The following CAST variants were observed in gnomAD, a reference collection of about 807,000 sequenced individuals.
CAST encodes MIR583 host.
A neutral mutation model predicts 119.6 loss-of-function variants in CAST; 76 were observed. That is an observed-to-expected ratio of 0.64 (90% confidence interval 0.53 to 0.77). The LOEUF (loss-of-function observed/expected upper bound fraction) is 0.77, where lower values mean the gene tolerates loss of function less well. CAST is among the 30% of genes least tolerant of loss of function. CAST has a pLI of 0.00. For synonymous variants in CAST, 319 were observed against 331.6 expected (o/e 0.96, Z 0.41); for missense variants, 953 against 946.5 (o/e 1.01, Z -0.09).
At chr5:96,101,303 G>A in the CAST span, among the ~76,000 whole-genome samples, 4 of 152,248 alleles carry the variant, frequency 2.6e-5, no homozygotes, top group African/African-American at 7.2e-5. Context: ...CCCTGGATAT[G>A]GAAGGCTGAC....
chr5:96,351,759 G>A, the CAST span, among the ~76,000 whole-genome samples: 2 of 152,046 alleles, frequency 1.3e-5, no homozygotes, highest in African/African-American at 2.4e-5. Context: ...AAAACTCACT[G>A]TTCTTTTATG....
the CAST span, among the ~76,000 whole-genome samples, chr5:96,291,242 C>A: frequency 6.6e-6 from 1 of 152,202 alleles, no homozygotes; most frequent in African/African-American, 2.4e-5. Flanking sequence ...AGGTAATAAA[C>A]AATTATTATA....
At chr5:96,755,507 C>T (rs1766107827) in intron 22 of CAST, among the ~76,000 whole-genome samples, 2 of 152,180 alleles carry the variant, frequency 1.3e-5, no homozygotes, top group Admixed American at 1.3e-4. Flanking sequence ...TTGTACACAA[C>T]AAGGGGGAAG....
the CAST span, among the ~76,000 whole-genome samples, chr5:96,362,023 C>T: frequency 6.6e-6 from 1 of 151,984 alleles, no homozygotes; most frequent in Non-Finnish European, 1.5e-5. Context: ...GTGATGTTCC[C>T]CTTCCTGTGT....
the CAST span, among the ~76,000 whole-genome samples, chr5:96,337,896 C>G: frequency 2.0e-5 from 3 of 152,212 alleles, no homozygotes; most frequent in Non-Finnish European, 4.4e-5. Flanking sequence ...CAGAATACCT[C>G]TAACATTTTG....
chr5:96,343,214 G>A, the CAST span, among the ~76,000 whole-genome samples: 1 of 151,878 alleles, frequency 6.6e-6, no homozygotes, highest in East Asian at 1.9e-4. Flanking sequence ...CTTTTAGGGG[G>A]TACACAAGAT....
chr5:96,714,860 G>A (rs1756911757), intron 3 of CAST: 1 of 152,154 alleles, frequency 6.6e-6, no homozygotes, highest in Admixed American at 6.5e-5. Context: ...AAATGAAGCA[G>A]TTGCCTCGTA....
the CAST span, among the ~76,000 whole-genome samples, chr5:96,288,962 T>A: frequency 6.6e-6 from 1 of 152,092 alleles, no homozygotes; most frequent in Non-Finnish European, 1.5e-5. Context: ...TTCCCTTACA[T>A]CCTGCCTGAG....
At chr5:96,394,151 A>G in the CAST span, among the ~76,000 whole-genome samples, 1 of 152,190 alleles carries the variant, frequency 6.6e-6, no homozygotes, top group South Asian at 2.1e-4. Context: ...AGCTGGACCT[A>G]TTCAGAGCAG....
intron 16 of CAST, among the ~76,000 whole-genome samples, chr5:96,743,370 A>G (rs1016769934): frequency 6.6e-5 from 10 of 152,232 alleles, no homozygotes; most frequent in Admixed American, 5.2e-4. Context: ...TTTTCAACTC[A>G]GTCCTCTGGG....
the CAST span, among the ~76,000 whole-genome samples, chr5:96,190,318 T>G: frequency 1.3e-5 from 2 of 152,168 alleles, no homozygotes; most frequent in Non-Finnish European, 2.9e-5. Context: ...TCCTGGGGTA[T>G]GTTCAGTGTG....
At chr5:96,572,060 G>A (rs1357901847) in intron 1 of CAST, among the ~76,000 whole-genome samples, 1 of 152,226 alleles carries the variant, frequency 6.6e-6, no homozygotes, top group Non-Finnish European at 1.5e-5. Flanking sequence ...GTTCAACCCT[G>A]TCAGGGAAGT....
chr5:96,272,338 G>A, the CAST span, among the ~76,000 whole-genome samples: 3,510 of 152,156 alleles, frequency 0.023, 70 homozygotes, highest in South Asian at 0.041. Context: ...CACTATTCAC[G>A]ATAGCCAAAA....
the CAST span, among the ~76,000 whole-genome samples, chr5:96,431,042 G>T: frequency 6.6e-6 from 1 of 152,062 alleles, no homozygotes; most frequent in Non-Finnish European, 1.5e-5. Flanking sequence ...CCTCCTACAC[G>T]GTTACCAGTG....
chr5:96,376,210 T>G, the CAST span, among the ~76,000 whole-genome samples: 4 of 151,658 alleles, frequency 2.6e-5, no homozygotes, highest in Middle Eastern at 3.4e-3. Flanking sequence ...TAAAATGGAG[T>G]GGAAAAATTC....
intron 3 of CAST, among the ~76,000 whole-genome samples, chr5:96,719,272 C>T (rs1757772980): frequency 6.6e-6 from 1 of 152,142 alleles, no homozygotes; most frequent in Non-Finnish European, 1.5e-5. Context: ...GTGAGCCTCC[C>T]ACCTCAGCCT....
the CAST span, among the ~76,000 whole-genome samples, chr5:96,452,013 AGAAATAG>A: frequency 6.6e-6 from 1 of 152,244 alleles, no homozygotes; most frequent in South Asian, 2.1e-4. Flanking sequence ...GAGGATGTGG[AGAAATAG>A]GAACACTTTC....
the CAST span, among the ~76,000 whole-genome samples, chr5:96,229,107 A>T: frequency 6.6e-6 from 1 of 152,060 alleles, no homozygotes; most frequent in South Asian, 2.1e-4. Context: ...CCATCAAATC[A>T]TTTTACCAGG....
intron 1 of CAST, among the ~76,000 whole-genome samples, chr5:96,592,317 T>A (rs914179947): frequency 6.6e-6 from 1 of 151,798 alleles, no homozygotes. Flanking sequence ...AGGAGAATAG[T>A]TTGAGCCCGG....
Sources: gnomAD v4.1 joint callset for allele counts (sites outside exome capture counted in the v4.1 genomes callset) on GRCh38, gnomAD v4.1.1 for gene constraint, MANE v1.5 for transcripts, NCBI Gene and HGNC (gene_info 2026-07-23, HGNC 2026-07-21) for gene names.